Variants in DLC1 observed in about 807,000 individuals in gnomAD.
The protein encoded by DLC1 is rho GTPase-activating protein 7.
DLC1 carries 54 observed loss-of-function variants against 140.3 expected under a neutral mutation model. That is an observed-to-expected ratio of 0.38 (90% CI 0.31 to 0.48). DLC1 has a LOEUF of 0.48. DLC1 is among the 20% of genes least tolerant of loss of function. DLC1 has a pLI of 0.96. For missense variants in DLC1, 2,536 were observed against 1,907.0 expected, an observed-to-expected ratio of 1.33 and a Z score of -6.14; for synonymous variants, 986 against 728.1, an observed-to-expected ratio of 1.35 and a Z score of -5.70.
At position 13,442,219 on chromosome 8, in the gene DLC1, A is replaced by G. The variant is rs533324225; in HGVS notation, c.1024-40600T>C. On this transcript the variant is annotated intron_variant, in intron 2 of 17. Transcript: ENST00000276297. ...AAAATTCATTCAAGATGGATTAAAGACTTAAATGTTAGACCTAAAACCCTA... is the reference window on the plus strand; with the variant it reads ...AAAATTCATTCAAGATGGATTAAAGGCTTAAATGTTAGACCTAAAACCCTA... 2.6e-5 allele frequency among the ~76,000 whole-genome samples: 4 copies of G among 152,334 alleles called. No homozygotes were observed. The South Asian group carries it at 8.3e-4, about 32-fold the overall frequency.
intron 5 of DLC1, among the ~76,000 whole-genome samples, chr8:13,194,915 C>T (rs969688697): frequency 1.3e-5 from 2 of 152,028 alleles, no homozygotes; most frequent in African/African-American, 2.4e-5. Flanking sequence ...AAGGCTGAGG[C>T]GGGAGGATGG....
chr8:13,577,338 A>G (rs1044972740), intron 1 of DLC1, among the ~76,000 whole-genome samples: 16 of 152,194 alleles, frequency 1.1e-4, no homozygotes, highest in African/African-American at 4.8e-5. Flanking sequence ...ACAGCTTATT[A>G]TGCGATGGGT....
At chr8:13,369,937 GA>G (rs1263489753) in intron 4 of DLC1, among the ~76,000 whole-genome samples, 2 of 150,448 alleles carry the variant, frequency 1.3e-5, no homozygotes, top group Non-Finnish European at 3.0e-5. Context: ...ATGGAAAAAG[GA>G]AAAAAAAGTC....
intron 2 of DLC1, among the ~76,000 whole-genome samples, chr8:13,437,637 T>C (rs1839184067): frequency 6.6e-6 from 1 of 152,134 alleles, no homozygotes; most frequent in South Asian, 2.1e-4. Flanking sequence ...AATAATATTG[T>C]TGCATTTCTG....
At chr8:13,477,172 C>T (rs373982910) in intron 2 of DLC1, among the ~76,000 whole-genome samples, 1 of 151,574 alleles carries the variant, frequency 6.6e-6, no homozygotes, top group Non-Finnish European at 1.5e-5. Flanking sequence ...CATGTAGTAA[C>T]CCCAAATCAG....
intron 1 of DLC1, among the ~76,000 whole-genome samples, chr8:13,574,086 T>C (rs1011503779): frequency 3.9e-5 from 6 of 152,170 alleles, no homozygotes; most frequent in African/African-American, 1.4e-4. Context: ...TCTTCTAGAA[T>C]TCTGTAATCT....
intron 5 of DLC1, among the ~76,000 whole-genome samples, chr8:13,199,478 G>A (rs944802800): frequency 2.6e-5 from 4 of 152,014 alleles, no homozygotes; most frequent in Non-Finnish European, 4.4e-5. Flanking sequence ...ACTGGGCCCC[G>A]CGTTCTCATT....
Position 13,153,351 on chromosome 8 carries a change from C to G in DLC1, c.1349-37694G>C, listed in dbSNP as rs74327816. Among the ~76,000 whole-genome samples, 180 of 152,316 alleles carry G rather than the reference C, an allele frequency of 1.2e-3. 5 individuals are homozygous for G. In the East Asian group the frequency reaches 0.029, roughly 25 times the overall value. On this transcript the variant is annotated intron_variant, in intron 5 of 17. Coordinates refer to ENST00000276297, the MANE Select transcript of DLC1 (RefSeq NM_182643.3). ...CTCTCCATTCCTCTCCGTGAGTTTG[C>G]GATCTCACTGGCCTCAGGAGTGAAG...
intron 2 of DLC1, among the ~76,000 whole-genome samples, chr8:13,453,504 A>ATATATATATACATATATATATATG (rs1563360626): frequency 4.6e-4 from 14 of 30,152 alleles, no homozygotes; most frequent in East Asian, 1.6e-3. Flanking sequence ...ATATATATGT[A>ATATATATATACATATATATATATG]TATATATATA....
chr8:13,288,771 C>A (rs1586075856), intron 5 of DLC1, among the ~76,000 whole-genome samples: 1 of 152,090 alleles, frequency 6.6e-6, no homozygotes, highest in African/African-American at 2.4e-5. Context: ...CTGCAACTTT[C>A]TAGGGGAGGA....
chr8:13,145,046 A>C (rs1431754298), intron 5 of DLC1, among the ~76,000 whole-genome samples: 3 of 152,204 alleles, frequency 2.0e-5, no homozygotes, highest in Non-Finnish European at 4.4e-5. Context: ...GTATTTATAA[A>C]TTATAAATAC....
At chr8:13,525,003 C>T (rs75147449) in intron 1 of DLC1, among the ~76,000 whole-genome samples, 3,379 of 151,770 alleles carry the variant, frequency 0.022, 123 homozygotes, top group African/African-American at 0.074. Context: ...CTCCTTTCTC[C>T]CTTCTTCTGC....
At chr8:13,391,493 G>A (rs931120730) in intron 4 of DLC1, among the ~76,000 whole-genome samples, 20 of 151,882 alleles carry the variant, frequency 1.3e-4, no homozygotes, top group African/African-American at 4.8e-4. Flanking sequence ...ATTGTGGGGT[G>A]GTCAATTGAT....
chr8:13,256,766 A>G (rs73543953), intron 5 of DLC1, among the ~76,000 whole-genome samples: 13,822 of 151,792 alleles, frequency 0.091, 716 homozygotes, highest in South Asian at 0.17. Flanking sequence ...ACAAATACCT[A>G]AGGCATGCAG....
chr8:13,313,019 T>A (rs530833527), intron 4 of DLC1, among the ~76,000 whole-genome samples: 1 of 152,304 alleles, frequency 6.6e-6, no homozygotes, highest in Admixed American at 6.5e-5. Context: ...TCATAATGAT[T>A]CATTTTGTCC....
At chr8:13,216,344 A>T (rs758275341) in intron 5 of DLC1, among the ~76,000 whole-genome samples, 23 of 152,178 alleles carry the variant, frequency 1.5e-4, no homozygotes, top group African/African-American at 5.5e-4. Context: ...GATTTGTTCA[A>T]AGCCACCCAG....
At chr8:13,133,713 G>A (rs570187987) in intron 5 of DLC1, among the ~76,000 whole-genome samples, 1 of 152,152 alleles carries the variant, frequency 6.6e-6, no homozygotes, top group South Asian at 2.1e-4. Flanking sequence ...GGACCCTAGT[G>A]TGCCTTGAGC....
At chr8:13,540,751 C>G (rs150885648) in intron 1 of DLC1, among the ~76,000 whole-genome samples, 16 of 152,152 alleles carry the variant, frequency 1.1e-4, no homozygotes, top group African/African-American at 1.4e-4. Context: ...GTCACTGAAG[C>G]CTTCGACATG....
chr8:13,235,236 C>G (rs1012390287), intron 5 of DLC1, among the ~76,000 whole-genome samples: 1 of 152,002 alleles, frequency 6.6e-6, no homozygotes, highest in African/African-American at 2.4e-5. Context: ...AATGAACTAC[C>G]TAGTGTCATA....
Sources: gnomAD v4.1 joint callset for allele counts (sites outside exome capture counted in the v4.1 genomes callset) on GRCh38, gnomAD v4.1.1 for gene constraint, MANE v1.5 for transcripts, NCBI Gene and HGNC (gene_info 2026-07-23, HGNC 2026-07-21) for gene names.